GPHN: variants seen among roughly 807,000 people sequenced by gnomAD.
The protein encoded by GPHN is gephyrin.
A neutral mutation model predicts 95.5 loss-of-function variants in GPHN; 17 were observed. The ratio of observed to expected loss-of-function variants is 0.18; its 90% CI spans 0.12 to 0.27. GPHN has a LOEUF of 0.27. Ranked by LOEUF, GPHN falls within the 10% of genes least tolerant of loss-of-function variation. GPHN has a pLI of 1.00. For synonymous variants in GPHN, 320 were observed against 322.5 expected (o/e 0.99, Z 0.08); for missense variants, 660 against 978.1 (o/e 0.67, Z 4.34).
intron 1 of GPHN, among the ~76,000 whole-genome samples, chr14:66,664,900 C>T (rs938441365): frequency 6.7e-6 from 1 of 150,370 alleles, no homozygotes; most frequent in Admixed American, 6.7e-5. Flanking sequence ...CATATACACC[C>T]TACCAAAAGT....
At chr14:66,739,030 C>G (rs2072546050) in intron 2 of GPHN, among the ~76,000 whole-genome samples, 1 of 151,928 alleles carries the variant, frequency 6.6e-6, no homozygotes, top group African/African-American at 2.4e-5. Flanking sequence ...TCTGCTTACC[C>G]CCATCTTATA....
At chr14:67,600,975 C>T in the GPHN span, among the ~76,000 whole-genome samples, 1 of 152,246 alleles carries the variant, frequency 6.6e-6, no homozygotes, top group Non-Finnish European at 1.5e-5. Flanking sequence ...ATTTCACTTA[C>T]TCTTTTCCTG....
chr14:67,349,638 C>T, the GPHN span, among the ~76,000 whole-genome samples: 18 of 152,294 alleles, frequency 1.2e-4, no homozygotes, highest in African/African-American at 3.8e-4. Flanking sequence ...AGTTCAAAAC[C>T]AGCCTGGGCA....
At chr14:67,011,746 A>G (rs1318925016) in intron 9 of GPHN, among the ~76,000 whole-genome samples, 1 of 151,042 alleles carries the variant, frequency 6.6e-6, no homozygotes, top group African/African-American at 2.4e-5. Flanking sequence ...TTTATAGTAT[A>G]ACTTTAATGA....
intron 12 of GPHN, among the ~76,000 whole-genome samples, chr14:67,096,589 A>G (rs1324394926): frequency 6.6e-6 from 1 of 151,932 alleles, no homozygotes; most frequent in Non-Finnish European, 1.5e-5. Flanking sequence ...GACATAATCT[A>G]AGTTATACAG....
chr14:66,966,085 CA>C (rs2153588038), intron 9 of GPHN, among the ~76,000 whole-genome samples: 1 of 152,180 alleles, frequency 6.6e-6, no homozygotes, highest in South Asian at 2.1e-4. Flanking sequence ...ATATTGGTAT[CA>C]AAAGATTAAC....
intron 9 of GPHN, among the ~76,000 whole-genome samples, chr14:67,004,033 T>C (rs2072428501): frequency 6.6e-6 from 1 of 151,712 alleles, no homozygotes; most frequent in South Asian, 2.1e-4. Context: ...TAGACCTTTA[T>C]GTTCCTCAGA....
At chr14:67,391,304 T>TGA in the GPHN span, among the ~76,000 whole-genome samples, 13 of 150,784 alleles carry the variant, frequency 8.6e-5, no homozygotes, top group South Asian at 2.1e-4. Flanking sequence ...TGTGTGTGTG[T>TGA]GACTTTCTTT....
chr14:67,709,946 G>T, the GPHN span, among the ~76,000 whole-genome samples: 2 of 152,218 alleles, frequency 1.3e-5, no homozygotes, highest in Non-Finnish European at 2.9e-5. Context: ...TGCTCACTGA[G>T]ATAGATACAT....
At chr14:67,562,182 G>T in the GPHN span, 2 of 1,611,522 alleles carry the variant, frequency 1.2e-6, no homozygotes, top group African/African-American at 1.3e-5. Context: ...CCCCCCTACG[G>T]AGCTGCAGAG....
At chr14:66,933,331 C>T (rs1200109698) in intron 8 of GPHN, among the ~76,000 whole-genome samples, 1 of 152,200 alleles carries the variant, frequency 6.6e-6, no homozygotes, top group Admixed American at 6.5e-5. Context: ...CCCACTGGTT[C>T]TGAATGACCT....
chr14:67,113,194 G>A (rs770956484), intron 16 of GPHN, 23 bp downstream of exon 16: 1 of 1,596,228 alleles, frequency 6.3e-7, no homozygotes, highest in Non-Finnish European at 8.6e-7. Flanking sequence ...AAAATGGAGG[G>A]AGTGGGGAGA....
intron 2 of GPHN, among the ~76,000 whole-genome samples, chr14:66,690,009 G>T (rs2067668569): frequency 6.6e-6 from 1 of 151,192 alleles, no homozygotes; most frequent in Non-Finnish European, 1.5e-5. Flanking sequence ...CCAACTTTTT[G>T]ACTTTTTTTA....
At chr14:66,623,609 C>G in intron 1 of GPHN, among the ~76,000 whole-genome samples, 1 of 125,880 alleles carries the variant, frequency 7.9e-6, no homozygotes, top group Non-Finnish European at 1.6e-5. Context: ...TGGAGTGAGA[C>G]TCTGTTTCAA....
the GPHN span, chr14:67,203,094 G>A: frequency 1.2e-6 from 2 of 1,611,604 alleles, no homozygotes; most frequent in South Asian, 2.2e-5. Context: ...CTGCACTCAG[G>A]TCAACAGAAG....
chr14:67,160,692 C>A (rs143170447), intron 19 of GPHN, among the ~76,000 whole-genome samples: 1 of 152,220 alleles, frequency 6.6e-6, no homozygotes, highest in East Asian at 1.9e-4. Flanking sequence ...GCTTTACTGT[C>A]AATGAACCCT....
the GPHN span, among the ~76,000 whole-genome samples, chr14:67,315,343 C>T: frequency 1.7e-4 from 22 of 131,534 alleles, no homozygotes; most frequent in Non-Finnish European, 3.2e-4. Flanking sequence ...GTGGCATGAT[C>T]TCAGCTCACT....
the GPHN span, among the ~76,000 whole-genome samples, chr14:67,621,267 C>T: frequency 6.6e-6 from 1 of 152,146 alleles, no homozygotes; most frequent in Non-Finnish European, 1.5e-5. Flanking sequence ...CAACCTTTCC[C>T]CTTAAAATTC....
At chr14:66,700,644 G>T (rs935427167) in intron 2 of GPHN, among the ~76,000 whole-genome samples, 1 of 152,034 alleles carries the variant, frequency 6.6e-6, no homozygotes, top group Admixed American at 6.6e-5. Context: ...TCTTTATTAT[G>T]ACCGGATGCA....
Sources: allele counts gnomAD v4.1 joint callset (sites outside exome capture counted in the v4.1 genomes callset), GRCh38; gene constraint gnomAD v4.1.1; transcripts MANE v1.5; gene names NCBI Gene and HGNC (gene_info 2026-07-23, HGNC 2026-07-21).